ARHGAP22: variants seen among roughly 807,000 people sequenced by gnomAD.
ARHGAP22 encodes Rho GTPase activating protein 22.
A neutral mutation model predicts 59.1 loss-of-function variants in ARHGAP22; 48 were observed. That is an observed-to-expected ratio of 0.81 (90% confidence interval 0.64 to 1.03). The LOEUF (loss-of-function observed/expected upper bound fraction) is 1.03, where lower values mean the gene tolerates loss of function less well. Ranked by LOEUF, ARHGAP22 falls within the 50% of genes least tolerant of loss-of-function variation. ARHGAP22 has a pLI of 0.00. For missense variants in ARHGAP22, 1,015 were observed against 958.7 expected (o/e 1.06, Z -0.78); for synonymous variants, 445 against 416.4 (o/e 1.07, Z -0.84).
At chr10:48,582,106 TC>T (rs1372476422) in intron 2 of ARHGAP22, among the ~76,000 whole-genome samples, 1 of 152,194 alleles carries the variant, frequency 6.6e-6, no homozygotes, top group Non-Finnish European at 1.5e-5. Flanking sequence ...GAGTCCCCTC[TC>T]TGCCCCCAAG....
intron 2 of ARHGAP22, among the ~76,000 whole-genome samples, chr10:48,570,608 C>T (rs531557796): frequency 6.6e-6 from 1 of 152,274 alleles, no homozygotes; most frequent in Admixed American, 6.5e-5. Context: ...ATGGGAGCAG[C>T]TTGGGAGGTA....
chr10:48,614,310 T>A (rs2061000928), intron 1 of ARHGAP22, among the ~76,000 whole-genome samples: 1 of 152,208 alleles, frequency 6.6e-6, no homozygotes, highest in Non-Finnish European at 1.5e-5. Context: ...TTACCAGATT[T>A]GGCAAAGGAG....
intron 1 of ARHGAP22, among the ~76,000 whole-genome samples, chr10:48,596,704 G>A (rs1193378951): frequency 6.6e-6 from 1 of 152,210 alleles, no homozygotes; most frequent in East Asian, 1.9e-4. Context: ...GCAGCCTGTT[G>A]GACCTCTTCC....
chr10:48,550,208 C>A (rs571641781), intron 3 of ARHGAP22, among the ~76,000 whole-genome samples: 1 of 152,332 alleles, frequency 6.6e-6, no homozygotes, highest in South Asian at 2.1e-4. Context: ...GCACTCCCTG[C>A]GTGCATTAGG....
At chr10:48,489,246 A>G (rs573276280) in intron 3 of ARHGAP22, among the ~76,000 whole-genome samples, 1 of 152,310 alleles carries the variant, frequency 6.6e-6, no homozygotes, top group Non-Finnish European at 1.5e-5. Flanking sequence ...GCCCAGTCCC[A>G]GGCAGTCTTC....
chr10:48,597,147 A>G lies in ARHGAP22; in HGVS notation c.34+7616T>C, dbSNP rs111425347. 2.9e-3 allele frequency among the ~76,000 whole-genome samples: 446 copies of G among 152,236 alleles called. 3 individuals are homozygous for G. Among genetic ancestry groups the G allele is most frequent in the African/African-American group, 0.01 (425 of 41,530 alleles). ...ACCTTGCTGACACCTCTGGCTGGAC[A>G]TGCACCTCTCCTTCATAAACATGTG... On this transcript the variant is annotated intron_variant, in intron 1 of 9. Transcript: ENST00000249601.
At chr10:48,653,278 C>T (rs1005102937), upstream of ARHGAP22, among the ~76,000 whole-genome samples, 1 of 152,200 alleles carries the variant, frequency 6.6e-6, no homozygotes, top group African/African-American at 2.4e-5. Context: ...CCAATCACTG[C>T]TATAAAGATA....
In ARHGAP22 at chr10:48,451,339, G is replaced by A. The variant is rs780295938; in HGVS notation, c.989-199C>T. 5.5e-5 allele frequency: 43 copies of A among 778,442 alleles called. No individual in the cohort carries two copies. In the African/African-American group the frequency reaches 7.0e-4, roughly 13 times the overall value. The allele number at this position is 778,442 out of a possible 1,614,324, so 48.2% of individuals were successfully genotyped here. A position where few individuals can be genotyped will look rare whatever the true frequency, so the allele number is the denominator to read the frequency against. On this transcript the variant is annotated intron_variant, in intron 8 of 9. Transcript: ENST00000249601. ...CCAGGCAGGACAGCAGGATGGGGCC[G>A]CAGAACCGCCTTCCTCAGGCACAGA...
intron 3 of ARHGAP22, among the ~76,000 whole-genome samples, chr10:48,510,304 G>A (rs1204940718): frequency 6.6e-6 from 1 of 152,232 alleles, no homozygotes; most frequent in Non-Finnish European, 1.5e-5. Flanking sequence ...AAGTGAATCT[G>A]CAGACATCAG....
intron 2 of ARHGAP22, among the ~76,000 whole-genome samples, chr10:48,565,225 T>C (rs990875784): frequency 1.3e-5 from 2 of 152,182 alleles, no homozygotes; most frequent in African/African-American, 4.8e-5. Flanking sequence ...TCTCTCTCTG[T>C]TAAATGGGGT....
chr10:48,454,174 G>A lies in ARHGAP22; in HGVS notation c.793-13C>T, dbSNP rs2133667334. The A allele has an allele frequency of 1.2e-6, 2 of 1,611,864 alleles. No homozygotes were observed. Among genetic ancestry groups the A allele is most frequent in the Non-Finnish European group, 1.7e-6 (2 of 1,178,286 alleles). On this transcript the variant is annotated splice_polypyrimidine_tract_variant and intron_variant, in intron 6 of 9. Transcript: ENST00000249601. Reference sequence around the variant, plus strand: ...ACTCCAGAGTGCCCTTAGGAATGAAGAACAGAATTTCAAACACCGGCAATG... The same window carrying A: ...ACTCCAGAGTGCCCTTAGGAATGAAAAACAGAATTTCAAACACCGGCAATG...
chr10:48,463,999 C>T (rs562865158), intron 4 of ARHGAP22, among the ~76,000 whole-genome samples: 1 of 152,326 alleles, frequency 6.6e-6, no homozygotes, highest in Admixed American at 6.5e-5. Context: ...GTAATTCCAC[C>T]CAGCCATCTC....
At chr10:48,527,909 G>A (rs1158583092) in intron 3 of ARHGAP22, among the ~76,000 whole-genome samples, 4 of 152,238 alleles carry the variant, frequency 2.6e-5, no homozygotes, top group Non-Finnish European at 5.9e-5. Flanking sequence ...GCACAGGGCA[G>A]AAGAGATAGA....
At chr10:48,469,044 C>G (rs2047983584) in intron 4 of ARHGAP22, among the ~76,000 whole-genome samples, 1 of 152,194 alleles carries the variant, frequency 6.6e-6, no homozygotes, top group South Asian at 2.1e-4. Flanking sequence ...TCTCACCAAC[C>G]AGGGGCCGGC....
At position 48,446,533 on chromosome 10, in the gene ARHGAP22, A is replaced by C. The variant is rs1309473588; in HGVS notation, c.1955T>G (p.Leu652Arg). 1 of 1,614,062 alleles carries C rather than the reference A, an allele frequency of 6.2e-7. No individual in the cohort carries two copies. The highest frequency in any genetic ancestry group is 8.5e-7 in the Non-Finnish European group (1 of 1,180,028). ...LDQEKKKYIMLEIKLRNSERA... is the reference protein window; with the variant it reads ...LDQEKKKYIMREIKLRNSERA... ...TTCAGAGTTCCGCAGCTTTATTTCCAGCATGATGTATTTTTTCTTTTCCTG... is the reference window on the plus strand; with the variant it reads ...TTCAGAGTTCCGCAGCTTTATTTCCCGCATGATGTATTTTTTCTTTTCCTG... Residue 652 changes from leucine (L) to arginine (R), a missense_variant, in exon 10 of 10, where the codon CTG becomes CGG. Leu to Arg is a moderately radical substitution (Grantham distance 102). Coordinates refer to ENST00000249601, the MANE Select transcript of ARHGAP22 (RefSeq NM_021226.4).
At chr10:48,552,824 G>A (rs4838419) in intron 3 of ARHGAP22, among the ~76,000 whole-genome samples, 93,499 of 152,110 alleles carry the variant, frequency 0.61, 30,084 homozygotes, top group East Asian at 0.98. Flanking sequence ...CTTCTTATTC[G>A]TTTTTAGCCC....
At chr10:48,542,698 T>G (rs183111487) in intron 3 of ARHGAP22, among the ~76,000 whole-genome samples, 8 of 152,264 alleles carry the variant, frequency 5.3e-5, no homozygotes, top group African/African-American at 1.4e-4. Context: ...TGGAGTATGC[T>G]CAGGGTCGGC....
chr10:48,486,355 T>C (rs1253721923), intron 3 of ARHGAP22, among the ~76,000 whole-genome samples: 1 of 151,944 alleles, frequency 6.6e-6, no homozygotes, highest in Non-Finnish European at 1.5e-5. Flanking sequence ...ATTATTATTT[T>C]GAGACAGGGT....
intron 3 of ARHGAP22, among the ~76,000 whole-genome samples, chr10:48,490,070 T>A (rs1077960): frequency 1.3e-5 from 2 of 151,952 alleles, no homozygotes; most frequent in Admixed American, 6.6e-5. Flanking sequence ...GTCCAACGTC[T>A]ATGGGTCAAA....
Sources: gnomAD v4.1 joint callset for allele counts (sites outside exome capture counted in the v4.1 genomes callset) on GRCh38, gnomAD v4.1.1 for gene constraint, MANE v1.5 for transcripts, NCBI Gene and HGNC (gene_info 2026-07-23, HGNC 2026-07-21) for gene names.